Variants in RNF168 observed in about 807,000 individuals in gnomAD.
RNF168 encodes the protein ring finger protein 168.
A neutral mutation model predicts 34.9 loss-of-function variants in RNF168; 34 were observed. The ratio of observed to expected loss-of-function variants is 0.97; its 90% CI spans 0.74 to 1.30. The LOEUF is 1.30. RNF168 is among the 50% of genes most tolerant of loss of function. The pLI is 0.00. For synonymous variants in RNF168, 264 were observed against 254.7 expected (o/e 1.04, Z -0.35); for missense variants, 725 against 682.5 (o/e 1.06, Z -0.69).
At chr3:196,488,857 A>T (rs1037846291) in intron 1 of RNF168, among the ~76,000 whole-genome samples, 174 bp from the exon 2 acceptor site, 1 of 151,822 alleles carries the variant, frequency 6.6e-6, no homozygotes, top group Non-Finnish European at 1.5e-5. Context: ...GATTTATTTT[A>T]TTTATTTTTT....
intron 1 of RNF168, among the ~76,000 whole-genome samples, chr3:196,500,972 A>C (rs1160778538): frequency 6.6e-6 from 1 of 152,146 alleles, no homozygotes; most frequent in African/African-American, 2.4e-5. Context: ...CGGCCTCCCA[A>C]AGTGCTGGGA....
rs369829259 is a variant in RNF168 at position 196,472,407 on chromosome 3, C to T, written c.1128G>A (p.Glu376=). The part of the protein sequence containing the change: ...GNNTGETENE[E]SCLLISKEIS... ...TCTCCTTACTGATCAGTAGGCACGA[C>T]TCTTCATTTTCTGTCTCACCTGTGT... The change falls in exon 6 of 6, where the codon GAG becomes GAA. Residue 376 remains glutamate, a synonymous_variant. Coordinates refer to ENST00000318037, the MANE Select transcript of RNF168 (RefSeq NM_152617.4). 269 of 1,613,448 alleles carry T rather than the reference C, an allele frequency of 1.7e-4. No homozygotes were observed. Among genetic ancestry groups the T allele is most frequent in the Non-Finnish European group, 2.2e-4 (260 of 1,179,866 alleles).
At chr3:196,488,959 C>A (rs1732527451) in intron 1 of RNF168, among the ~76,000 whole-genome samples, 1 of 151,096 alleles carries the variant, frequency 6.6e-6, no homozygotes, top group Non-Finnish European at 1.5e-5. Flanking sequence ...TCAAGCGATT[C>A]TCCTGCCTCA....
rs1732021646 is a variant in RNF168, at chr3:196,472,110, G to A, written c.1425C>T (p.His475=). ...NRQKGSPDEY[H]LRATSSPPDK... ...CTGGAGGGGAGGATGTAGCGCGTAA[G>A]TGATACTCATCTGGGGATCCTTTTT... The change falls in exon 6 of 6, where the codon CAC becomes CAT. Residue 475 remains histidine (H), a synonymous_variant. Coordinates refer to ENST00000318037, the MANE Select transcript of RNF168 (RefSeq NM_152617.4). 1.2e-6 allele frequency: 2 copies of A among 1,613,878 alleles called. No individual in the cohort carries two copies. Among genetic ancestry groups the A allele is most frequent in the African/African-American group, 1.3e-5 (1 of 74,930 alleles).
At chr3:196,482,824 A>G (rs1732329117) in intron 4 of RNF168, among the ~76,000 whole-genome samples, 1 of 152,174 alleles carries the variant, frequency 6.6e-6, no homozygotes, top group African/African-American at 2.4e-5. Context: ...GAGTTTTCAT[A>G]TATTCTAGAA....
chr3:196,493,210 C>G (rs1732638468), intron 1 of RNF168, among the ~76,000 whole-genome samples: 1 of 152,066 alleles, frequency 6.6e-6, no homozygotes, highest in Non-Finnish European at 1.5e-5. Context: ...CAGAAGATGC[C>G]CAACTACAGC....
intron 1 of RNF168, among the ~76,000 whole-genome samples, chr3:196,490,387 T>C (rs981614458): frequency 6.6e-6 from 1 of 152,196 alleles, no homozygotes; most frequent in South Asian, 2.1e-4. Flanking sequence ...CAACTCCAGC[T>C]GACTACGACT....
At chr3:196,497,051 AAGG>A (rs746366050) in intron 1 of RNF168, among the ~76,000 whole-genome samples, 152 of 151,702 alleles carry the variant, frequency 1.0e-3, no homozygotes, top group Non-Finnish European at 1.4e-3. Context: ...GAGGCTGAGG[AAGG>A]AGAACTGCTT....
At position 196,471,783 on chromosome 3, in the gene RNF168, CT is replaced by C. The variant is rs758638798; in HGVS notation, c.*35del. 7.5e-7 allele frequency: 1 copy of C among 1,333,676 alleles called. No homozygotes were observed. 82.6% of individuals were successfully genotyped at this position (1,333,676 alleles called of 1,614,324 possible). A position where few individuals can be genotyped will look rare whatever the true frequency, so the allele number is the denominator to read the frequency against. ...GATAGGAAAGAGCTTCACATTCCAG[CT>C]TTACTAGATCACAAAGCACTCCCTT... On this transcript the variant is annotated 3_prime_UTR_variant, in exon 6 of 6. Transcript: ENST00000318037.
chr3:196,472,019 TTG>T lies in RNF168; in HGVS notation c.1514_1515del (p.Thr505LysfsTer14). On this transcript the variant is annotated frameshift_variant, in exon 6 of 6. Transcript: ENST00000318037. LOFTEE classifies it high-confidence loss of function. ...GAGCCTCTCTCTGGTGTTGGATGCT[TTG>T]TGTGAGTTTGCCTTTTGAAGTTCCC... ...KDGNFKRQTH[T>X]KHPTPERGSR... 2.5e-6 allele frequency: 4 copies of T among 1,614,116 alleles called. No individual in the cohort carries two copies. Among genetic ancestry groups the T allele is most frequent in the East Asian group, 4.5e-5 (2 of 44,890 alleles).
At position 196,480,874 on chromosome 3, in the gene RNF168, G is replaced by A. The variant is rs376024852; in HGVS notation, c.680+2896C>T. The stretch of plus-strand genomic sequence containing the variant: ...AGCTCGGGCTCGTCTTGAACTCCTG[G>A]GCTCAAGCAATCCTCTCGCCTCAGT... On this transcript the variant is annotated intron_variant, in intron 4 of 5. Coordinates refer to ENST00000318037, the MANE Select transcript of RNF168 (RefSeq NM_152617.4). Among the ~76,000 whole-genome samples the A allele has an allele frequency of 1.8e-4, 28 of 152,082 alleles. 1 individual carries two copies. In the South Asian group the frequency reaches 5.8e-3, roughly 32 times the overall value.
chr3:196,503,247 A>T lies in RNF168; in HGVS notation c.-74T>A. On this transcript the variant is annotated 5_prime_UTR_variant, in exon 1 of 6. Transcript: ENST00000318037. ...GAATCCTATTTTCGGCCAACCACAGAGAGAGCAAAAGCAGTTTTGTGTTTC... is the reference window on the plus strand; with the variant it reads ...GAATCCTATTTTCGGCCAACCACAGTGAGAGCAAAAGCAGTTTTGTGTTTC... The T allele has an allele frequency of 7.5e-7, 1 of 1,325,640 alleles. No homozygotes were observed. Among genetic ancestry groups the T allele is most frequent in the Non-Finnish European group, 1.1e-6 (1 of 925,414 alleles). 82.1% of individuals were successfully genotyped at this position (1,325,640 alleles called of 1,614,324 possible). A position where few individuals can be genotyped will look rare whatever the true frequency, so the allele number is the denominator to read the frequency against.
intron 4 of RNF168, among the ~76,000 whole-genome samples, chr3:196,483,089 T>C (rs1013856561): frequency 2.6e-5 from 4 of 152,058 alleles, no homozygotes; most frequent in African/African-American, 4.8e-5. Context: ...GACACTGATA[T>C]TGTCACATCT....
At position 196,483,791 on chromosome 3, in the gene RNF168, CTTT is replaced by C. The variant is rs752446731; in HGVS notation, c.656_658del (p.Gln219del). 9 of 1,611,444 alleles carry C rather than the reference CTTT, an allele frequency of 5.6e-6. No individual in the cohort carries two copies. In the African/African-American group the frequency reaches 1.2e-4, roughly 22 times the overall value. On this transcript the variant is annotated inframe_deletion, in exon 4 of 6. Coordinates refer to ENST00000318037, the MANE Select transcript of RNF168 (RefSeq NM_152617.4). ...TTACTTCTGAATATCTCCAGTGTTT[CTTT>C]GTTTGTTCTTACTTTTCTTTTCAGA... is the stretch of plus-strand genomic sequence containing the variant.
At chr3:196,494,819 T>C (rs1732697107) in intron 1 of RNF168, among the ~76,000 whole-genome samples, 1 of 152,058 alleles carries the variant, frequency 6.6e-6, no homozygotes, top group Non-Finnish European at 1.5e-5. Flanking sequence ...GCTCAGGAGT[T>C]CAAGACCAGC....
chr3:196,484,484 T>C (rs1029207082), intron 3 of RNF168, among the ~76,000 whole-genome samples: 1 of 145,192 alleles, frequency 6.9e-6, no homozygotes, highest in Non-Finnish European at 1.5e-5. Flanking sequence ...TTTTTTTTTT[T>C]TTTTTTTTTT....
intron 4 of RNF168, among the ~76,000 whole-genome samples, chr3:196,475,955 GT>G (rs941499100): frequency 3.3e-5 from 5 of 151,754 alleles, no homozygotes; most frequent in Admixed American, 2.6e-4. Flanking sequence ...CGCCTCCCGG[GT>G]TTAAGCGATT....
intron 4 of RNF168, among the ~76,000 whole-genome samples, chr3:196,478,970 G>A (rs1732220488): frequency 6.7e-6 from 1 of 149,742 alleles, no homozygotes; most frequent in African/African-American, 2.5e-5. Flanking sequence ...GCTTCCCAAA[G>A]TGTTAGGATT....
intron 3 of RNF168, among the ~76,000 whole-genome samples, chr3:196,487,185 G>A (rs776714440): frequency 6.6e-6 from 1 of 152,188 alleles, no homozygotes; most frequent in Non-Finnish European, 1.5e-5. Flanking sequence ...TCTGTTCTTT[G>A]AAAACCACAG....
Sources: allele counts gnomAD v4.1 joint callset (sites outside exome capture counted in the v4.1 genomes callset), GRCh38; gene constraint gnomAD v4.1.1; transcripts MANE v1.5; gene names NCBI Gene and HGNC (gene_info 2026-07-23, HGNC 2026-07-21).